ATP8A2: variants seen among roughly 807,000 people sequenced by gnomAD.
ATP8A2 encodes the protein phospholipid-transporting ATPase IB.
Under a neutral mutation model 165.6 loss-of-function variants are expected in ATP8A2, and 100 were observed. The observed-to-expected ratio is 0.60, with a 90% CI of 0.51 to 0.71. The LOEUF (loss-of-function observed/expected upper bound fraction) is 0.71, where lower values mean the gene tolerates loss of function less well. ATP8A2 is among the 30% of genes least tolerant of loss of function. ATP8A2 has a pLI of 0.00. For missense variants in ATP8A2, 1,227 were observed against 1,479.5 expected (o/e 0.83, Z 2.80); for synonymous variants, 543 against 548.8 (o/e 0.99, Z 0.15).
At chr13:25,434,386 T>C (rs2034698004) in intron 1 of ATP8A2, among the ~76,000 whole-genome samples, 1 of 152,158 alleles carries the variant, frequency 6.6e-6, no homozygotes, top group Non-Finnish European at 1.5e-5. Flanking sequence ...TCTCTCTGTG[T>C]TGCGCAGGTT....
intron 10 of ATP8A2, among the ~76,000 whole-genome samples, chr13:25,546,671 C>T (rs17795986): frequency 0.12 from 18,515 of 152,170 alleles, 1,366 homozygotes; most frequent in Non-Finnish European, 0.18. Context: ...CTAATTACAG[C>T]GAACATAATT....
At chr13:25,426,058 A>C (rs888883843) in intron 1 of ATP8A2, among the ~76,000 whole-genome samples, 5 of 152,192 alleles carry the variant, frequency 3.3e-5, no homozygotes, top group African/African-American at 1.2e-4. Flanking sequence ...CTGTAGAAAG[A>C]TCAGTGGTTG....
chr13:25,716,738 A>G (rs868247618), intron 25 of ATP8A2, among the ~76,000 whole-genome samples: 1 of 152,180 alleles, frequency 6.6e-6, no homozygotes, highest in African/African-American at 2.4e-5. Context: ...TGTTCCAGGC[A>G]CTGGAACTAT....
At position 25,472,100 on chromosome 13, in the gene ATP8A2, A is replaced by T. The variant is rs183853128; in HGVS notation, c.221+2979A>T. Among the ~76,000 whole-genome samples, 405 of 152,260 alleles carry T rather than the reference A, an allele frequency of 2.7e-3. 2 individuals are homozygous for T. Among genetic ancestry groups the T allele is most frequent in the Middle Eastern group, 3.4e-3 (1 of 294 alleles). ...TATCAGTGACTTGTAGTTCATTAAAAAATTGGTTGTAGGCCAGATGCAGTG... is the reference window on the plus strand; with the variant it reads ...TATCAGTGACTTGTAGTTCATTAAATAATTGGTTGTAGGCCAGATGCAGTG... On this transcript the variant is annotated intron_variant, in intron 2 of 36. Transcript: ENST00000381655.
intron 27 of ATP8A2, among the ~76,000 whole-genome samples, chr13:25,788,381 G>T (rs940445598): frequency 6.6e-6 from 1 of 152,110 alleles, no homozygotes; most frequent in Non-Finnish European, 1.5e-5. Flanking sequence ...CCAACCACAG[G>T]GTTTTCCTAT....
intron 2 of ATP8A2, among the ~76,000 whole-genome samples, chr13:25,513,988 G>A (rs1315023164): frequency 7.0e-6 from 1 of 143,854 alleles, no homozygotes; most frequent in Non-Finnish European, 1.5e-5. Flanking sequence ...GGGAGAGGGG[G>A]AGGGGGAGGG....
At chr13:25,755,404 C>T (rs1265786517) in intron 25 of ATP8A2, among the ~76,000 whole-genome samples, 1 of 152,070 alleles carries the variant, frequency 6.6e-6, no homozygotes, top group East Asian at 1.9e-4. Flanking sequence ...CTTATCAAAA[C>T]TGTTCCCATT....
At chr13:25,477,928 A>G (rs1168955889) in intron 2 of ATP8A2, among the ~76,000 whole-genome samples, 2 of 152,128 alleles carry the variant, frequency 1.3e-5, no homozygotes, top group African/African-American at 4.8e-5. Flanking sequence ...CGAGAGTGAA[A>G]CTCTGTCTCA....
At chr13:25,592,761 C>T (rs2040124111) in intron 24 of ATP8A2, among the ~76,000 whole-genome samples, 1 of 152,186 alleles carries the variant, frequency 6.6e-6, no homozygotes, top group Non-Finnish European at 1.5e-5. Flanking sequence ...TGAACTTTAA[C>T]TCTACATACA....
At chr13:25,970,298 A>G (rs938699436) in intron 35 of ATP8A2, among the ~76,000 whole-genome samples, 5 of 152,212 alleles carry the variant, frequency 3.3e-5, no homozygotes, top group African/African-American at 1.2e-4. Flanking sequence ...AATGTGCTTT[A>G]GAGTGTTTGT....
chr13:25,488,069 C>G (rs989743005), intron 2 of ATP8A2, among the ~76,000 whole-genome samples: 1 of 152,150 alleles, frequency 6.6e-6, no homozygotes, highest in Non-Finnish European at 1.5e-5. Flanking sequence ...GCAAAAATGC[C>G]TAGGACACAG....
intron 25 of ATP8A2, chr13:25,705,376 C>T (rs962313963): frequency 7.3e-5 from 13 of 177,660 alleles, no homozygotes; most frequent in Admixed American, 1.9e-4. Flanking sequence ...CCGCTGGGCA[C>T]TGCCTCATTA....
At chr13:25,990,018 C>T (rs970515815) in intron 35 of ATP8A2, among the ~76,000 whole-genome samples, 1 of 152,180 alleles carries the variant, frequency 6.6e-6, no homozygotes, top group Non-Finnish European at 1.5e-5. Context: ...AGCAGGCCAG[C>T]GCCTCCCTTC....
At chr13:25,946,729 GA>G (rs1363441268) in intron 33 of ATP8A2, among the ~76,000 whole-genome samples, 12 of 135,038 alleles carry the variant, frequency 8.9e-5, no homozygotes, top group African/African-American at 3.1e-4. Context: ...AATGTATTGT[GA>G]AAATGTTATT....
chr13:25,761,981 G>C (rs2044388681), intron 25 of ATP8A2, among the ~76,000 whole-genome samples: 1 of 152,026 alleles, frequency 6.6e-6, no homozygotes. Context: ...CTGTCACAAG[G>C]CTGGGTGTGA....
intron 22 of ATP8A2, among the ~76,000 whole-genome samples, chr13:25,581,056 T>G (rs1413399248): frequency 1.3e-5 from 2 of 152,198 alleles, no homozygotes; most frequent in African/African-American, 4.8e-5. Flanking sequence ...ATAGCCAAAA[T>G]TATTTTTAGA....
intron 2 of ATP8A2, among the ~76,000 whole-genome samples, chr13:25,488,267 C>G (rs1377307572): frequency 6.6e-6 from 1 of 152,204 alleles, no homozygotes; most frequent in Non-Finnish European, 1.5e-5. Flanking sequence ...CAGCCAATCT[C>G]CAGAAAGCTT....
At chr13:25,709,931 T>C (rs1240569326) in intron 25 of ATP8A2, among the ~76,000 whole-genome samples, 1 of 152,164 alleles carries the variant, frequency 6.6e-6, no homozygotes, top group Non-Finnish European at 1.5e-5. Flanking sequence ...AGTAGGATCT[T>C]TCTGTGGTCA....
At chr13:25,411,983 T>C (rs2033979862) in intron 1 of ATP8A2, among the ~76,000 whole-genome samples, 1 of 152,226 alleles carries the variant, frequency 6.6e-6, no homozygotes, top group African/African-American at 2.4e-5. Context: ...TTCCTGTAAT[T>C]CTGTCTCTTC....
Sources: allele counts gnomAD v4.1 joint callset (sites outside exome capture counted in the v4.1 genomes callset), GRCh38; gene constraint gnomAD v4.1.1; transcripts MANE v1.5; gene names NCBI Gene and HGNC (gene_info 2026-07-23, HGNC 2026-07-21).